LPP: variants seen among roughly 807,000 people sequenced by gnomAD.
LPP encodes lipoma-preferred partner.
A neutral mutation model predicts 60.4 loss-of-function variants in LPP; 38 were observed. The observed-to-expected ratio is 0.63, with a 90% confidence interval of 0.49 to 0.83. LPP has a LOEUF of 0.83. Among genes scored for constraint, LPP ranks in the 40% least tolerant of loss-of-function variants. The pLI, the probability that LPP is intolerant of heterozygous loss-of-function variation, is 0.00. For synonymous variants in LPP, 328 were observed against 290.8 expected (o/e 1.13, Z -1.30); for missense variants, 902 against 783.6 (o/e 1.15, Z -1.80).
intron 6 of LPP, among the ~76,000 whole-genome samples, chr3:188,530,616 G>A (rs138400046): frequency 2.2e-4 from 34 of 152,252 alleles, no homozygotes; most frequent in African/African-American, 5.1e-4. Flanking sequence ...TATTTTCCCC[G>A]AACTATGACA....
intron 9 of LPP, among the ~76,000 whole-genome samples, chr3:188,865,497 G>A (rs1766344548): frequency 6.6e-6 from 1 of 152,178 alleles, no homozygotes; most frequent in African/African-American, 2.4e-5. Flanking sequence ...TCAGTCATCT[G>A]ACAGGCTATT....
chr3:188,753,573 T>C, intron 8 of LPP, among the ~76,000 whole-genome samples: 2 of 118,316 alleles, frequency 1.7e-5, no homozygotes, highest in African/African-American at 3.2e-5. Context: ...TTTTGGCTTG[T>C]TGTGTGCGTG....
intron 2 of LPP, among the ~76,000 whole-genome samples, chr3:188,318,797 C>T (rs867809566): frequency 4.2e-5 from 5 of 120,258 alleles, no homozygotes; most frequent in East Asian, 2.5e-4. Context: ...CTCGCTCTGT[C>T]GCCCAGGCTG....
At chr3:188,462,582 A>ATG (rs1799318225) in intron 4 of LPP, among the ~76,000 whole-genome samples, 2 of 42,372 alleles carry the variant, frequency 4.7e-5, no homozygotes, top group South Asian at 2.6e-3. Flanking sequence ...ATATATATAT[A>ATG]TATGCATGTG....
At chr3:188,738,916 CT>C (rs979159086) in intron 8 of LPP, among the ~76,000 whole-genome samples, 1 of 152,070 alleles carries the variant, frequency 6.6e-6, no homozygotes, top group Non-Finnish European at 1.5e-5. Flanking sequence ...TAAAAAAATA[CT>C]TTAGGAAATA....
intron 4 of LPP, among the ~76,000 whole-genome samples, chr3:188,455,623 T>G (rs1797564581): frequency 1.3e-5 from 2 of 152,198 alleles, no homozygotes; most frequent in Admixed American, 1.3e-4. Context: ...GATTTTAAAA[T>G]GAACTCTATC....
intron 6 of LPP, among the ~76,000 whole-genome samples, chr3:188,527,138 A>C (rs888113539): frequency 6.6e-6 from 1 of 151,960 alleles, no homozygotes; most frequent in Non-Finnish European, 1.5e-5. Context: ...TTGGAGTAGA[A>C]TATAGGTCTG....
At chr3:188,601,339 T>A (rs1560618792) in intron 6 of LPP, among the ~76,000 whole-genome samples, 1 of 152,204 alleles carries the variant, frequency 6.6e-6, no homozygotes, top group Non-Finnish European at 1.5e-5. Context: ...CTCTGGTCAT[T>A]TCCATAGGCT....
At chr3:188,747,592 A>G (rs1726661050) in intron 8 of LPP, among the ~76,000 whole-genome samples, 1 of 152,246 alleles carries the variant, frequency 6.6e-6, no homozygotes. Context: ...AAGTGATAGC[A>G]GATGACTGTG....
intron 8 of LPP, among the ~76,000 whole-genome samples, chr3:188,731,630 C>G (rs967284559): frequency 6.6e-6 from 1 of 151,176 alleles, no homozygotes; most frequent in Non-Finnish European, 1.5e-5. Flanking sequence ...TCAAGCAATT[C>G]TCCTCCCTAA....
At chr3:188,593,665 C>T (rs982096173) in intron 6 of LPP, among the ~76,000 whole-genome samples, 8 of 152,200 alleles carry the variant, frequency 5.3e-5, no homozygotes, top group Non-Finnish European at 7.3e-5. Context: ...CATAGCTTAG[C>T]TCCCACATAT....
chr3:188,260,803 C>T (rs999697041), intron 2 of LPP, among the ~76,000 whole-genome samples: 2 of 152,046 alleles, frequency 1.3e-5, no homozygotes, highest in African/African-American at 2.4e-5. Context: ...GAGGCTGAGG[C>T]GGGCAGATGG....
chr3:188,280,764 C>T (rs1179163413), intron 2 of LPP, among the ~76,000 whole-genome samples: 1 of 152,098 alleles, frequency 6.6e-6, no homozygotes, highest in Non-Finnish European at 1.5e-5. Context: ...AACACGATGA[C>T]ACAGACATAG....
intron 1 of LPP, among the ~76,000 whole-genome samples, chr3:188,163,170 G>C (rs959360085): frequency 1.3e-5 from 2 of 152,130 alleles, no homozygotes; most frequent in African/African-American, 4.8e-5. Flanking sequence ...TGCTTCTACT[G>C]TTGTAATTGC....
At chr3:188,380,146 C>T (rs1560326013) in intron 3 of LPP, among the ~76,000 whole-genome samples, 1 of 152,198 alleles carries the variant, frequency 6.6e-6, no homozygotes, top group Non-Finnish European at 1.5e-5. Context: ...AAGTACTTTT[C>T]CCTCATATTC....
intron 6 of LPP, among the ~76,000 whole-genome samples, chr3:188,606,444 A>G (rs891594194): frequency 1.3e-5 from 2 of 151,988 alleles, no homozygotes; most frequent in African/African-American, 4.8e-5. Context: ...ATAGAGTGGT[A>G]TCTTTTTGTT....
intron 1 of LPP, among the ~76,000 whole-genome samples, chr3:188,201,030 A>C (rs1027404860): frequency 1.3e-5 from 2 of 152,196 alleles, no homozygotes; most frequent in Non-Finnish European, 2.9e-5. Context: ...ATTTTTGACG[A>C]CAGCAGTTGA....
intron 6 of LPP, among the ~76,000 whole-genome samples, chr3:188,590,039 T>C (rs1838333081): frequency 1.3e-5 from 2 of 152,226 alleles, no homozygotes; most frequent in Non-Finnish European, 2.9e-5. Context: ...TTAAGTAACC[T>C]TTCTTGTTCT....
intron 7 of LPP, among the ~76,000 whole-genome samples, chr3:188,668,988 T>C (rs1856385185): frequency 6.6e-6 from 1 of 152,176 alleles, no homozygotes; most frequent in South Asian, 2.1e-4. Context: ...GAATGATCAT[T>C]ATTTGTAAGA....
Sources: gnomAD v4.1 joint callset for allele counts (sites outside exome capture counted in the v4.1 genomes callset) on GRCh38, gnomAD v4.1.1 for gene constraint, MANE v1.5 for transcripts, NCBI Gene and HGNC (gene_info 2026-07-23, HGNC 2026-07-21) for gene names.